Variants in FAM78B observed in about 807,000 individuals in gnomAD.
The protein encoded by FAM78B is family with sequence similarity 78 member B, also known as protein FAM78B.
A neutral mutation model predicts 20.0 loss-of-function variants in FAM78B; 10 were observed. The ratio of observed to expected loss-of-function variants is 0.50; its 90% confidence interval spans 0.31 to 0.85. FAM78B has a LOEUF of 0.85. FAM78B is among the 40% of genes least tolerant of loss of function. FAM78B has a pLI of 0.05. For synonymous variants in FAM78B, 135 were observed against 132.8 expected, an observed-to-expected ratio of 1.02 and a Z score of -0.12; for missense variants, 283 against 345.0, an observed-to-expected ratio of 0.82 and a Z score of 1.42.
chr1:166,165,855 A>T lies in FAM78B; in HGVS notation c.263+131T>A, dbSNP rs572504879. On this transcript the variant is annotated intron_variant, in intron 1 of 1. Coordinates refer to ENST00000354422, the MANE Select transcript of FAM78B (RefSeq NM_001017961.5). ...AAAGCGTAGGGAGGAGGGAGGTGGG[A>T]GAGGAGGCGGGAGGAAGGTTTAGAA... The T allele has an allele frequency of 7.9e-6, 8 of 1,017,240 alleles. No homozygotes were observed. The African/African-American group carries it at 1.3e-4, about 16-fold the overall frequency. The allele number at this position is 1,017,240 out of a possible 1,614,324, so 63.0% of individuals were successfully genotyped here. A position where few individuals can be genotyped will look rare whatever the true frequency, so the allele number is the denominator to read the frequency against.
chr1:166,116,550 A>C (rs1654266112), intron 1 of FAM78B, among the ~76,000 whole-genome samples: 1 of 152,134 alleles, frequency 6.6e-6, no homozygotes, highest in Non-Finnish European at 1.5e-5. Flanking sequence ...TTTAAAATCA[A>C]ACAACCCCCA....
At chr1:166,082,058 CAA>C (rs796976965) in intron 1 of FAM78B, among the ~76,000 whole-genome samples, 3 of 152,310 alleles carry the variant, frequency 2.0e-5, no homozygotes, top group East Asian at 3.9e-4. Context: ...ACACTGCTTC[CAA>C]GCTTGTGCTG....
At position 166,166,431 on chromosome 1, in the gene FAM78B, G is replaced by A. The variant is rs564997059; in HGVS notation, c.-183C>T. The stretch of plus-strand genomic sequence containing the variant: ...AAGCCCCCTCCTCTTGCAGCCGCGC[G>A]GGGTCCCCGCTGCCCCGACGTCCGC... On this transcript the variant is annotated 5_prime_UTR_variant, in exon 1 of 2. Coordinates refer to ENST00000354422, the MANE Select transcript of FAM78B (RefSeq NM_001017961.5). 94 of 355,450 alleles carry A rather than the reference G, an allele frequency of 2.6e-4. No homozygotes were observed. Among genetic ancestry groups the A allele is most frequent in the South Asian group, 5.8e-4 (5 of 8,692 alleles). The allele number at this position is 355,450 out of a possible 1,614,324, so 22.0% of individuals were successfully genotyped here. A position where few individuals can be genotyped will look rare whatever the true frequency, so the allele number is the denominator to read the frequency against.
Position 166,070,204 on chromosome 1 carries a change from AG to A in FAM78B, c.*36del. 6.7e-7 allele frequency: 1 copy of A among 1,492,544 alleles called. No individual in the cohort carries two copies. The highest frequency in any genetic ancestry group is 8.9e-7 in the Non-Finnish European group (1 of 1,119,204). The allele number at this position is 1,492,544 out of a possible 1,614,324, so 92.5% of individuals were successfully genotyped here. A position where few individuals can be genotyped will look rare whatever the true frequency, so the allele number is the denominator to read the frequency against. On this transcript the variant is annotated 3_prime_UTR_variant, in exon 2 of 2. Coordinates refer to ENST00000354422, the MANE Select transcript of FAM78B (RefSeq NM_001017961.5). Reference sequence around the variant, plus strand: ...CTGGCACCCTCACTGCATGTCTCAGAGGCGTGTGATCCACACACAGTCAGGC... The same window carrying A: ...CTGGCACCCTCACTGCATGTCTCAGAGCGTGTGATCCACACACAGTCAGGC...
chr1:166,109,888 ATG>A lies in FAM78B; in HGVS notation c.264-39127_264-39126del, dbSNP rs1259833968. On this transcript the variant is annotated intron_variant, in intron 1 of 1. Transcript: ENST00000354422. Reference sequence around the variant, plus strand: ...TATGTGTATATATATATATGTATATATGTATATATATATATATATATATATAT... The same window carrying A: ...TATGTGTATATATATATATGTATATATATATATATATATATATATATATAT... Among the ~76,000 whole-genome samples the A allele has an allele frequency of 5.0e-3, 138 of 27,588 alleles. 9 individuals are homozygous for A. The highest frequency in any genetic ancestry group is 0.014 in the African/African-American group (81 of 5,848). 18.1% of individuals were successfully genotyped at this position (27,588 alleles called of 152,430 possible).
At chr1:166,111,786 C>T (rs1348825242) in intron 1 of FAM78B, among the ~76,000 whole-genome samples, 5 of 152,318 alleles carry the variant, frequency 3.3e-5, no homozygotes, top group Middle Eastern at 3.4e-3. Flanking sequence ...AGCAAATATG[C>T]ATTATTATCT....
At chr1:166,056,769 C>A (rs1426563033), downstream of FAM78B, among the ~76,000 whole-genome samples, 2 of 152,218 alleles carry the variant, frequency 1.3e-5, no homozygotes, top group African/African-American at 4.8e-5. Flanking sequence ...TCCTCTGATT[C>A]TAGAATGTTC....
At chr1:166,073,536 C>CTCT (rs762008469) in intron 1 of FAM78B, among the ~76,000 whole-genome samples, 2 of 135,784 alleles carry the variant, frequency 1.5e-5, no homozygotes, top group Admixed American at 7.4e-5. Context: ...CTCTTTCTCT[C>CTCT]TTTTTTTTTT....
At chr1:166,073,388 A>G (rs1251671616) in intron 1 of FAM78B, among the ~76,000 whole-genome samples, 1 of 152,216 alleles carries the variant, frequency 6.6e-6, no homozygotes, top group Non-Finnish European at 1.5e-5. Flanking sequence ...AAAATTCATT[A>G]CGATTTAAGT....
At chr1:166,156,432 G>A (rs1655899593) in intron 1 of FAM78B, among the ~76,000 whole-genome samples, 1 of 152,186 alleles carries the variant, frequency 6.6e-6, no homozygotes, top group Admixed American at 6.5e-5. Flanking sequence ...TTGGTTGGCT[G>A]ATCATGGACT....
At chr1:166,057,765 G>A (rs1375522625) in exon 3 of FAM78B, 1 of 152,202 alleles carries the variant, frequency 6.6e-6, no homozygotes, top group Non-Finnish European at 1.5e-5. Flanking sequence ...GGGGAGCAGG[G>A]TAAGGAGACA....
intron 1 of FAM78B, among the ~76,000 whole-genome samples, chr1:166,084,696 C>T (rs1652742983): frequency 6.6e-6 from 1 of 152,218 alleles, no homozygotes; most frequent in Non-Finnish European, 1.5e-5. Flanking sequence ...AGGGTTCTAG[C>T]TCCTCCTGAA....
chr1:166,094,797 CTTCCTTGGT>C (rs1268872053), intron 1 of FAM78B, among the ~76,000 whole-genome samples: 1 of 152,204 alleles, frequency 6.6e-6, no homozygotes, highest in Non-Finnish European at 1.5e-5. Context: ...CAAGACAGAA[CTTCCTTGGT>C]CGTGACAGCA....
chr1:166,064,665 G>A (rs1357803878), downstream of FAM78B, among the ~76,000 whole-genome samples: 1 of 152,202 alleles, frequency 6.6e-6, no homozygotes, highest in Non-Finnish European at 1.5e-5. Context: ...CAGTAAGAGT[G>A]AGTTCTCCTG....
At chr1:166,075,130 A>T (rs1557889572) in intron 1 of FAM78B, among the ~76,000 whole-genome samples, 1 of 152,226 alleles carries the variant, frequency 6.6e-6, no homozygotes, top group Non-Finnish European at 1.5e-5. Context: ...TGCATCCTAG[A>T]GGTGGTGAGA....
intron 1 of FAM78B, among the ~76,000 whole-genome samples, chr1:166,142,450 G>A (rs1385698949): frequency 6.6e-6 from 1 of 152,192 alleles, no homozygotes; most frequent in African/African-American, 2.4e-5. Flanking sequence ...ATTAGCACCA[G>A]CACTTACTGA....
At chr1:166,123,021 A>G (rs1200337205) in intron 1 of FAM78B, among the ~76,000 whole-genome samples, 2 of 152,204 alleles carry the variant, frequency 1.3e-5, no homozygotes, top group Non-Finnish European at 2.9e-5. Flanking sequence ...GGGCTACTCT[A>G]AGAAAGGCAG....
rs144952819 is a variant in FAM78B, at chr1:166,146,094, G to A, written c.263+19892C>T. Among the ~76,000 whole-genome samples, 17 of 152,266 alleles carry A rather than the reference G, an allele frequency of 1.1e-4. No individual in the cohort carries two copies. The East Asian group carries it at 3.3e-3, about 29-fold the overall frequency. ...AGCACTTTGTAAACTTCTACTACCT[G>A]TATGAAGGATGAAGGATGGTTATTA... On this transcript the variant is annotated intron_variant, in intron 1 of 1. Coordinates refer to ENST00000354422, the MANE Select transcript of FAM78B (RefSeq NM_001017961.5).
intron 1 of FAM78B, among the ~76,000 whole-genome samples, chr1:166,085,769 T>C (rs556684585): frequency 3.5e-4 from 54 of 152,264 alleles, no homozygotes; most frequent in African/African-American, 1.3e-3. Flanking sequence ...TGGGAGTCAA[T>C]GCCAAGTCTG....
Sources: gnomAD v4.1 joint callset for allele counts (sites outside exome capture counted in the v4.1 genomes callset) on GRCh38, gnomAD v4.1.1 for gene constraint, MANE v1.5 for transcripts, NCBI Gene and HGNC (gene_info 2026-07-23, HGNC 2026-07-21) for gene names.